Variants in TIE1 observed in about 807,000 individuals in gnomAD.
TIE1 encodes tyrosine kinase with immunoglobulin like and EGF like domains 1.
TIE1 carries 89 observed loss-of-function variants against 130.5 expected under a neutral mutation model. The observed-to-expected ratio is 0.68, with a 90% CI of 0.57 to 0.81. The LOEUF is 0.81. Among genes scored for constraint, TIE1 ranks in the 40% least tolerant of loss-of-function variants. TIE1 has a pLI of 0.00. For synonymous variants in TIE1, 568 were observed against 629.4 expected (o/e 0.90, Z 1.46); for missense variants, 1,392 against 1,559.8 (o/e 0.89, Z 1.81).
chr1:43,301,027 C>G lies in TIE1; in HGVS notation c.-45C>G, dbSNP rs763378112. On this transcript the variant is annotated 5_prime_UTR_variant, in exon 1 of 23. Transcript: ENST00000372476. ...AGCAGTCAGGCCCACAGCATCTGACCCCAGGCCCAGCTCGTCCTGGCTGGC... is the reference window on the plus strand; with the variant it reads ...AGCAGTCAGGCCCACAGCATCTGACGCCAGGCCCAGCTCGTCCTGGCTGGC... 3.7e-6 allele frequency: 6 copies of G among 1,609,806 alleles called. No individual in the cohort carries two copies. In the Admixed American group the frequency reaches 5.0e-5, roughly 13 times the overall value.
chr1:43,311,642 C>G (rs1322992028), intron 9 of TIE1, 29 bp from the exon 10 acceptor site: 1 of 1,601,344 alleles, frequency 6.2e-7, no homozygotes, highest in Non-Finnish European at 8.5e-7. Context: ...AGGCTGTGTG[C>G]CCATGCCTTA....
intron 14 of TIE1, 46 bp downstream of exon 14, chr1:43,314,014 TTA>T (rs764684733): frequency 6.3e-7 from 1 of 1,598,098 alleles, no homozygotes; most frequent in Non-Finnish European, 8.6e-7. Context: ...CAGCCCGTGT[TTA>T]TGTTTCTACC....
In TIE1 at chr1:43,307,309, G is replaced by T; in HGVS notation, c.772+36G>T. ...GGGGAGCTAGGACCCAGGCAGGAGA[G>T]GATCCCTGACTGGGAGAAGACCCTA... On this transcript the variant is annotated intron_variant, in intron 5 of 22. Coordinates refer to ENST00000372476, the MANE Select transcript of TIE1 (RefSeq NM_005424.5). The surrounding 1 kb of genome is among the most constrained non-coding windows in gnomAD (Gnocchi z 5.4). 1 of 1,613,758 alleles carries T rather than the reference G, an allele frequency of 6.2e-7. No individual in the cohort carries two copies. The highest frequency in any genetic ancestry group is 1.1e-5 in the South Asian group (1 of 91,084).
Position 43,305,103 on chromosome 1 carries a change from C to T in TIE1, c.311C>T (p.Ser104Phe). Residue 104 changes from serine to phenylalanine, a missense_variant, in exon 2 of 23, where the codon TCC becomes TTC. By Grantham distance (155) the Ser-to-Phe change is radical. Transcript: ENST00000372476. The stretch of plus-strand genomic sequence containing the variant: ...CCCTCGGACCTCGTGGGCGTCTTCT[C>T]CTGCGTGGGCGGTGCTGGGGCGCGG... The part of the protein sequence containing the change: ...SKPSDLVGVF[S>F]CVGGAGARRT... 6.2e-7 allele frequency: 1 copy of T among 1,613,354 alleles called. No homozygotes were observed. Among genetic ancestry groups the T allele is most frequent in the Non-Finnish European group, 8.5e-7 (1 of 1,179,660 alleles).
chr1:43,318,508 C>CT lies in TIE1; in HGVS notation c.2922+449dup, dbSNP rs796101725. Reference sequence around the variant, plus strand: ...GTGAGTCTGAGGGAAGGCATTTTATCTTTTTTTTTTTTTGAGACTGAGTCT... The same window carrying CT: ...GTGAGTCTGAGGGAAGGCATTTTATCTTTTTTTTTTTTTTGAGACTGAGTCT... On this transcript the variant is annotated intron_variant, in intron 17 of 22. Transcript: ENST00000372476. This position sits in a 1 kb window ranked among gnomAD's most constrained non-coding sequence, Gnocchi z 4.4. Among the ~76,000 whole-genome samples the CT allele has an allele frequency of 2.2e-3, 322 of 145,334 alleles. No individual in the cohort carries two copies. Among genetic ancestry groups the CT allele is most frequent in the East Asian group, 4.8e-3 (24 of 5,010 alleles).
At position 43,315,527 on chromosome 1, in the gene TIE1, GC is replaced by G. The variant is rs1382659196; in HGVS notation, c.2409+1561del. The stretch of plus-strand genomic sequence containing the variant: ...AAATTAGCCAGGCACAGTGGCAGGA[GC>G]CTGTAATCCCAGCTACTAGGGAGGC... On this transcript the variant is annotated intron_variant, in intron 14 of 22. Coordinates refer to ENST00000372476, the MANE Select transcript of TIE1 (RefSeq NM_005424.5). The surrounding 1 kb of genome is among the most constrained non-coding windows in gnomAD (Gnocchi z 4.4). 2.0e-5 allele frequency among the ~76,000 whole-genome samples: 3 copies of G among 152,090 alleles called. No individual in the cohort carries two copies. The highest frequency in any genetic ancestry group is 4.8e-5 in the African/African-American group (2 of 41,414).
Position 43,311,671 on chromosome 1 carries a change from T to C in TIE1, c.1334T>C (p.Val445Ala). 6.2e-7 allele frequency: 1 copy of C among 1,611,532 alleles called. No individual in the cohort carries two copies. Residue 445 changes from valine to alanine, a missense_variant and splice_region_variant, in exon 10 of 23, where the codon GTG becomes GCG. Val to Ala is a moderately conservative substitution (Grantham distance 64). Transcript: ENST00000372476. ...TGCCTTACCCTGAGTCTCCTGGCAGTGCCCCCCGTGCCCCTGGCTGCACCT... is the reference window on the plus strand; with the variant it reads ...TGCCTTACCCTGAGTCTCCTGGCAGCGCCCCCCGTGCCCCTGGCTGCACCT... The part of the protein sequence containing the change: ...DSRRFKVNVK[V>A]PPVPLAAPRL...
rs1345623852 is a variant in TIE1, at chr1:43,322,895, C to T, written c.*173C>T. Reference sequence around the variant, plus strand: ...GGTGGGCTTAGGGGAACTGGGTTCCCATGCTTTGTAGGTGTCTCATAGCTA... The same window carrying T: ...GGTGGGCTTAGGGGAACTGGGTTCCTATGCTTTGTAGGTGTCTCATAGCTA... On this transcript the variant is annotated 3_prime_UTR_variant, in exon 23 of 23. Transcript: ENST00000372476. The surrounding 1 kb of genome is among the most constrained non-coding windows in gnomAD (Gnocchi z 4.0). 2 of 605,948 alleles carry T rather than the reference C, an allele frequency of 3.3e-6. No homozygotes were observed. Among genetic ancestry groups the T allele is most frequent in the Admixed American group, 2.9e-5 (1 of 35,064 alleles). 37.5% of individuals were successfully genotyped at this position (605,948 alleles called of 1,614,324 possible).
chr1:43,304,422 A>C (rs1441317462), intron 1 of TIE1, among the ~76,000 whole-genome samples: 1 of 152,226 alleles, frequency 6.6e-6, no homozygotes, highest in Non-Finnish European at 1.5e-5. Context: ...GGCTCACAGC[A>C]ACCTTTGCAG....
At position 43,307,988 on chromosome 1, in the gene TIE1, C is replaced by G; in HGVS notation, c.1042+64C>G. On this transcript the variant is annotated intron_variant, in intron 7 of 22. Coordinates refer to ENST00000372476, the MANE Select transcript of TIE1 (RefSeq NM_005424.5). This position sits in a 1 kb window ranked among gnomAD's most constrained non-coding sequence, Gnocchi z 5.4. ...GTCGGCCTTTACCAAACACATCTCC[C>G]CGGTGGAAGAGAGTAGTCCCTCCTT... is the stretch of plus-strand genomic sequence containing the variant. 5 of 1,595,908 alleles carry G rather than the reference C, an allele frequency of 3.1e-6. No individual in the cohort carries two copies. The highest frequency in any genetic ancestry group is 4.3e-6 in the Non-Finnish European group (5 of 1,168,114).
At chr1:43,314,023 T>G in intron 14 of TIE1, 55 bp downstream of exon 14, 1 of 1,570,350 alleles carries the variant, frequency 6.4e-7, no homozygotes, top group Non-Finnish European at 8.8e-7. Context: ...TTTATGTTTC[T>G]ACCTGTGTAC....
Position 43,305,052 on chromosome 1 carries a change from A to C in TIE1, c.260A>C (p.Gln87Pro). The C allele has an allele frequency of 1.2e-6, 2 of 1,605,562 alleles. No individual in the cohort carries two copies. Among genetic ancestry groups the C allele is most frequent in the African/African-American group, 1.3e-5 (1 of 74,802 alleles). ...PLRLARNGSHQVTLRGFSKPS... is the reference protein window; with the variant it reads ...PLRLARNGSHPVTLRGFSKPS... ...CGCCTGGCGCGCAACGGTTCGCACC[A>C]GGTCACGCTTCGCGGCTTCTCCAAG... is the stretch of plus-strand genomic sequence containing the variant. Residue 87 changes from glutamine (Q) to proline (P), a missense_variant, in exon 2 of 23, where the codon CAG becomes CCG. Around this residue, in one of 6 missense-constraint regions of TIE1, gnomAD observed 415 missense variants for 424.8 expected, o/e 0.98. Coordinates refer to ENST00000372476, the MANE Select transcript of TIE1 (RefSeq NM_005424.5).
Position 43,307,237 on chromosome 1 carries a change from T to A in TIE1, c.736T>A (p.Cys246Ser). ...VCHDHDGECV[C>S]PPGFTGTRCE... ...CCACGACCATGACGGCGAATGTGTA[T>A]GCCCCCCTGGCTTCACTGGCACCCG... The change falls in exon 5 of 23, where the codon TGC (cysteine) becomes AGC (serine). Residue 246 changes from cysteine (C) to serine (S), a missense_variant. Physicochemically the swap from Cys to Ser is moderately radical, Grantham distance 112. Around this residue, in one of 6 missense-constraint regions of TIE1, gnomAD observed 415 missense variants for 424.8 expected, o/e 0.98. Transcript: ENST00000372476. This position sits in a 1 kb window ranked among gnomAD's most constrained non-coding sequence, Gnocchi z 5.4. 1 of 1,614,100 alleles carries A rather than the reference T, an allele frequency of 6.2e-7. No individual in the cohort carries two copies.
Position 43,305,127 on chromosome 1 carries a change from GGCGCACGCGCGTCATCT to G in TIE1, c.336_352del (p.Thr114AlafsTer21). 1.9e-6 allele frequency: 3 copies of G among 1,613,752 alleles called. No homozygotes were observed. ...TCCTGCGTGGGCGGTGCTGGGGCGC[GGCGCACGCGCGTCATCT>G]ACGTGCACAACAGCCCTGGAGGTGA... On this transcript the variant is annotated frameshift_variant, in exon 2 of 23. Transcript: ENST00000372476. LOFTEE classifies it high-confidence loss of function.
rs747169091 is a variant in TIE1 at position 43,307,391 on chromosome 1, G to C, written c.773-41G>C. The C allele has an allele frequency of 6.2e-7, 1 of 1,612,492 alleles. No homozygotes were observed. The highest frequency in any genetic ancestry group is 1.1e-5 in the South Asian group (1 of 91,066). On this transcript the variant is annotated intron_variant, in intron 5 of 22. Transcript: ENST00000372476. This position sits in a 1 kb window ranked among gnomAD's most constrained non-coding sequence, Gnocchi z 5.4. ...GCGACAGGCAGGTCCTGGGCCCAGGGGCCCACAGAGGCCCATACACCCCAC... is the reference window on the plus strand; with the variant it reads ...GCGACAGGCAGGTCCTGGGCCCAGGCGCCCACAGAGGCCCATACACCCCAC...
Position 43,312,709 on chromosome 1 carries a change from G to A in TIE1, c.1927+108G>A. The A allele has an allele frequency of 3.1e-6, 4 of 1,298,544 alleles. No homozygotes were observed. Among genetic ancestry groups the A allele is most frequent in the Non-Finnish European group, 4.2e-6 (4 of 956,272 alleles). 80.4% of individuals were successfully genotyped at this position (1,298,544 alleles called of 1,614,324 possible). A position where few individuals can be genotyped will look rare whatever the true frequency, so the allele number is the denominator to read the frequency against. On this transcript the variant is annotated intron_variant, in intron 12 of 22. Coordinates refer to ENST00000372476, the MANE Select transcript of TIE1 (RefSeq NM_005424.5). The surrounding 1 kb of genome is among the most constrained non-coding windows in gnomAD (Gnocchi z 5.6). ...GCTGTAGGAGATTAATGGACATGGA[G>A]AGGACACAGGACACACATAGGGTAT...
Position 43,313,458 on chromosome 1 carries a change from C to A in TIE1, c.2218+33C>A, listed in dbSNP as rs893206695. ...GGCAGGGCCCACAGGACCCCCCGGG[C>A]TCTGAGCGGGGAGAGCTCAGCACGC... On this transcript the variant is annotated intron_variant, in intron 13 of 22. Transcript: ENST00000372476. This position sits in a 1 kb window ranked among gnomAD's most constrained non-coding sequence, Gnocchi z 6.2. 1 of 1,611,320 alleles carries A rather than the reference C, an allele frequency of 6.2e-7. No homozygotes were observed.
rs773800668 is a variant in TIE1, at chr1:43,321,290, T to C, written c.3129T>C (p.Leu1043=). ...KSDVWSFGVL[L]WEIVSLGGTP... ...TCAGCTGGTCCTTTGGAGTCCTTCT[T>C]TGGGAGATAGTGAGCCTTGGTGAGT... is the stretch of plus-strand genomic sequence containing the variant. The change falls in exon 20 of 23, where the codon CTT becomes CTC. Residue 1043 remains leucine, a synonymous_variant. Coordinates refer to ENST00000372476, the MANE Select transcript of TIE1 (RefSeq NM_005424.5). 3.1e-6 allele frequency: 5 copies of C among 1,614,056 alleles called. No homozygotes were observed. The highest frequency in any genetic ancestry group is 2.5e-6 in the Non-Finnish European group (3 of 1,180,012).
intron 7 of TIE1, 181 bp from the exon 8 acceptor site, chr1:43,308,805 T>C (rs1646757582): frequency 1.3e-6 from 1 of 781,720 alleles, no homozygotes; most frequent in Admixed American, 2.0e-5. Flanking sequence ...GGAAGTAGAC[T>C]TTGCAGCTGA....
Sources: allele counts gnomAD v4.1 joint callset (sites outside exome capture counted in the v4.1 genomes callset), GRCh38; gene constraint gnomAD v4.1.1; regional missense constraint gnomAD v4.1.1; non-coding constraint Gnocchi (gnomAD v3.1); transcripts MANE v1.5; gene names NCBI Gene and HGNC (gene_info 2026-07-23, HGNC 2026-07-21).